Variants in CLCN4 observed in about 807,000 individuals in gnomAD.
CLCN4 encodes the protein Cl-/H+ antiporter 4.
In CLCN4, 1 loss-of-function variant was observed where a neutral mutation model predicts 41.7. The ratio of observed to expected loss-of-function variants is 0.02; its 90% CI spans 0.01 to 0.11. The LOEUF (loss-of-function observed/expected upper bound fraction) is 0.11, where lower values mean the gene tolerates loss of function less well. Among genes scored for constraint, CLCN4 ranks in the 10% least tolerant of loss-of-function variants. CLCN4 has a pLI of 1.00. For synonymous variants in CLCN4, 277 were observed against 285.8 expected (o/e 0.97, Z 0.31); for missense variants, 287 against 661.0 (o/e 0.43, Z 6.20).
At chrX:10,172,557 C>T (rs1325035505) in intron 2 of CLCN4, among the ~76,000 whole-genome samples, 1 of 111,213 alleles carries the variant, frequency 9.0e-6, no homozygotes, top group African/African-American at 3.3e-5. Flanking sequence ...AATGAAGAGA[C>T]CGAGGTCAAG....
At chrX:10,221,777 C>T (rs1371638943) in intron 12 of CLCN4, among the ~76,000 whole-genome samples, 3 of 112,526 alleles carry the variant, frequency 2.7e-5, no homozygotes, top group African/African-American at 9.7e-5. Context: ...GTTTCACAAG[C>T]TGTGCCACTT....
In CLCN4 at chrX:10,158,421, CGAG is replaced by C. The variant is rs1242603595; in HGVS notation, c.-140_-138del. The C allele has an allele frequency of 1.9e-3, 564 of 296,866 alleles. 3 individuals are homozygous for C. The highest frequency in any genetic ancestry group is 0.014 in the African/African-American group (517 of 36,958). 24.5% of individuals were successfully genotyped at this position (296,866 alleles called of 1,213,427 possible). A position where few individuals can be genotyped will look rare whatever the true frequency, so the allele number is the denominator to read the frequency against. Reference sequence around the variant, plus strand: ...CCGCGCACACCTCCCTGCCTCGCCCCGAGGGCGTCACGTGGCAGCGTGGGGCCC... The same window carrying C: ...CCGCGCACACCTCCCTGCCTCGCCCCGGCGTCACGTGGCAGCGTGGGGCCC... On this transcript the variant is annotated 5_prime_UTR_variant, in exon 2 of 13. Transcript: ENST00000380833.
intron 2 of CLCN4, among the ~76,000 whole-genome samples, chrX:10,164,712 C>T (rs1923199591): frequency 8.9e-6 from 1 of 111,855 alleles, no homozygotes; most frequent in Non-Finnish European, 1.9e-5. Context: ...GTGTGAACTA[C>T]AGGGCAGGAC....
intron 9 of CLCN4, among the ~76,000 whole-genome samples, chrX:10,209,323 CCCCTT>C (rs1284627835): frequency 1.1e-5 from 1 of 87,144 alleles, no homozygotes; most frequent in African/African-American, 4.4e-5. Flanking sequence ...TCTCTTCCCT[CCCCTT>C]CCCTTCCCTT....
intron 11 of CLCN4, among the ~76,000 whole-genome samples, chrX:10,215,719 A>G (rs1340637597): frequency 8.9e-6 from 1 of 112,381 alleles, no homozygotes; most frequent in African/African-American, 3.2e-5. Context: ...GCTAAGAGGC[A>G]GCTTACTAAT....
chrX:10,173,950 T>C (rs777568163), intron 2 of CLCN4, among the ~76,000 whole-genome samples: 2 of 112,065 alleles, frequency 1.8e-5, no homozygotes, highest in Non-Finnish European at 3.8e-5. Context: ...ATCACTCTTC[T>C]CTGTGCGGGT....
chrX:10,190,738 T>C (rs1923938358), intron 4 of CLCN4, among the ~76,000 whole-genome samples: 1 of 112,192 alleles, frequency 8.9e-6, no homozygotes, highest in African/African-American at 3.2e-5. Flanking sequence ...TATATGTACT[T>C]CAAAACATCA....
chrX:10,212,679 G>T, intron 10 of CLCN4, 26 bp downstream of exon 10: 1 of 1,166,261 alleles, frequency 8.6e-7, no homozygotes, highest in Admixed American at 2.3e-5. Flanking sequence ...GGGCAGGGAG[G>T]GGGACCGGGG....
chrX:10,192,833 G>T (rs1924002404), intron 4 of CLCN4, among the ~76,000 whole-genome samples: 1 of 112,124 alleles, frequency 8.9e-6, no homozygotes, highest in Non-Finnish European at 1.9e-5. Flanking sequence ...GTGGGGATGG[G>T]GGAAACTGCA....
intron 2 of CLCN4, among the ~76,000 whole-genome samples, chrX:10,180,457 G>C (rs1038047483): frequency 9.0e-6 from 1 of 111,383 alleles, no homozygotes; most frequent in African/African-American, 3.3e-5. Context: ...TTGGGGCCCA[G>C]AGCCTCTGGG....
intron 3 of CLCN4, 70 bp downstream of exon 3, chrX:10,185,246 G>C: frequency 9.1e-7 from 1 of 1,094,014 alleles, no homozygotes; most frequent in Non-Finnish European, 1.2e-6. Context: ...TTACTGAGCT[G>C]GGGCTTAGGT....
chrX:10,167,605 C>T (rs1425394289), intron 2 of CLCN4, among the ~76,000 whole-genome samples: 1 of 112,204 alleles, frequency 8.9e-6, no homozygotes, highest in Non-Finnish European at 1.9e-5. Context: ...TCTTGGACCA[C>T]CCCCTCTAGA....
chrX:10,208,521 G>A lies in CLCN4; in HGVS notation c.1320G>A (p.Thr440=), dbSNP rs141024655. 1.2e-5 allele frequency: 14 copies of A among 1,209,132 alleles called. No homozygotes were observed. Among genetic ancestry groups the A allele is most frequent in the Middle Eastern group, 4.6e-4 (2 of 4,350 alleles). ...GGCCGGCTGGTGTCGGTGTTTACACGGCCATGTGGCAGCTGGCCCTGGCAC... is the reference window on the plus strand; with the variant it reads ...GGCCGGCTGGTGTCGGTGTTTACACAGCCATGTGGCAGCTGGCCCTGGCAC... ...PDRPAGVGVY[T]AMWQLALALI... Residue 440 remains threonine, a synonymous_variant, in exon 9 of 13, where the codon ACG becomes ACA. Coordinates refer to ENST00000380833, the MANE Select transcript of CLCN4 (RefSeq NM_001830.4).
chrX:10,229,442 C>T (rs5934814), intron 12 of CLCN4, among the ~76,000 whole-genome samples: 16,726 of 108,059 alleles, frequency 0.15, 1,121 homozygotes, highest in African/African-American at 0.24. Flanking sequence ...ATGTGCACAA[C>T]GTGCAGGTTT....
At chrX:10,213,607 C>T in intron 10 of CLCN4, 74 bp from the exon 11 acceptor site, 1 of 963,659 alleles carries the variant, frequency 1.0e-6, no homozygotes, top group Non-Finnish European at 1.5e-6. Flanking sequence ...GCCTGTCTGT[C>T]ATTTTCCCCA....
intron 12 of CLCN4, among the ~76,000 whole-genome samples, chrX:10,224,459 G>A (rs1381641329): frequency 9.5e-6 from 1 of 105,746 alleles, no homozygotes; most frequent in Non-Finnish European, 1.9e-5. Flanking sequence ...AACTGTAGGG[G>A]GCACAAAAAG....
chrX:10,184,427 A>G (rs996767296), intron 2 of CLCN4, among the ~76,000 whole-genome samples: 2 of 111,776 alleles, frequency 1.8e-5, no homozygotes, highest in African/African-American at 6.5e-5. Context: ...CTGAGGTCTG[A>G]GAAGGCGATG....
intron 11 of CLCN4, among the ~76,000 whole-genome samples, chrX:10,216,299 T>C (rs986868912): frequency 2.7e-5 from 3 of 112,398 alleles, no homozygotes; most frequent in Non-Finnish European, 3.8e-5. Flanking sequence ...AGCATGGCGT[T>C]ATCTTTGTTA....
intron 2 of CLCN4, 48 bp downstream of exon 2, chrX:10,158,599 C>T (rs1923015138): frequency 3.6e-6 from 1 of 278,085 alleles, no homozygotes; most frequent in Non-Finnish European, 6.4e-6. Flanking sequence ...CCCCCGGCAG[C>T]GCGGACGCTG....
Sources: allele counts gnomAD v4.1 joint callset (sites outside exome capture counted in the v4.1 genomes callset), GRCh38; gene constraint gnomAD v4.1.1; transcripts MANE v1.5; gene names NCBI Gene and HGNC (gene_info 2026-07-23, HGNC 2026-07-21).